Variants in DIAPH2 observed in about 807,000 individuals in gnomAD.
The protein encoded by DIAPH2 is diaphanous related formin 2.
DIAPH2 carries 35 observed loss-of-function variants against 92.7 expected under a neutral mutation model. The observed-to-expected ratio is 0.38, with a 90% CI of 0.29 to 0.50. DIAPH2 has a LOEUF of 0.50. DIAPH2 is among the 20% of genes least tolerant of loss of function. DIAPH2 has a pLI of 0.94. For synonymous variants in DIAPH2, 301 were observed against 280.4 expected (o/e 1.07, Z -0.73); for missense variants, 701 against 819.5 (o/e 0.86, Z 1.77).
In DIAPH2 at chrX:97,427,457, T is replaced by C. The variant is rs529744870; in HGVS notation, c.3146-2193T>C. Among the ~76,000 whole-genome samples the C allele has an allele frequency of 1.5e-4, 17 of 111,473 alleles. No individual in the cohort carries two copies. In the South Asian group the frequency reaches 1.9e-3, roughly 12 times the overall value. On this transcript the variant is annotated intron_variant, in intron 25 of 26. Transcript: ENST00000324765. ...TCATACTTGGGCCTCTCCACCACAG[T>C]TGAAATACATATAGTTCTTATCTCA... is the stretch of plus-strand genomic sequence containing the variant.
At chrX:97,250,057 A>G (rs764978374) in intron 23 of DIAPH2, among the ~76,000 whole-genome samples, 4 of 111,132 alleles carry the variant, frequency 3.6e-5, no homozygotes, top group Admixed American at 9.5e-5. Flanking sequence ...AGATCGCGCC[A>G]TTGCACTCCA....
At chrX:97,129,112 T>TTTTCTTTTCTTTTCTTTTCTTTTCTTTTC (rs1569308081) in intron 21 of DIAPH2, among the ~76,000 whole-genome samples, 25 of 76,900 alleles carry the variant, frequency 3.3e-4, no homozygotes, top group African/African-American at 1.4e-3. Context: ...TTTTCTTTTC[T>TTTTCTTTTCTTTTCTTTTCTTTTCTTTTC]TTTCTTTTCT....
chrX:97,385,890 T>TTAAGTAAC (rs1164378862), intron 25 of DIAPH2, among the ~76,000 whole-genome samples: 1 of 112,061 alleles, frequency 8.9e-6, no homozygotes, highest in Non-Finnish European at 1.9e-5. Context: ...CACAGAGAAG[T>TTAAGTAAC]TAAGTAACTT....
At chrX:96,696,667 C>T (rs948965805) in intron 1 of DIAPH2, among the ~76,000 whole-genome samples, 1 of 111,987 alleles carries the variant, frequency 8.9e-6, no homozygotes, top group Non-Finnish European at 1.9e-5. Context: ...CTGGCTTCCT[C>T]TGCGTCATCC....
intron 4 of DIAPH2, among the ~76,000 whole-genome samples, chrX:96,865,954 A>T (rs765050379): frequency 8.9e-6 from 1 of 112,034 alleles, no homozygotes; most frequent in Admixed American, 9.5e-5. Context: ...ATAAGATATA[A>T]TGAAACTGGG....
At chrX:97,347,447 A>AT (rs1569369193) in intron 23 of DIAPH2, among the ~76,000 whole-genome samples, 4 of 108,456 alleles carry the variant, frequency 3.7e-5, no homozygotes, top group Non-Finnish European at 3.8e-5. Flanking sequence ...GAGAAAAAAA[A>AT]ATATATATAT....
intron 24 of DIAPH2, among the ~76,000 whole-genome samples, chrX:97,358,982 T>C (rs1221382563): frequency 8.9e-6 from 1 of 112,255 alleles, no homozygotes; most frequent in Non-Finnish European, 1.9e-5. Context: ...GATATGTCCA[T>C]CCACATTCAG....
chrX:96,777,080 G>A (rs1295330791), intron 4 of DIAPH2, among the ~76,000 whole-genome samples: 1 of 111,624 alleles, frequency 9.0e-6, no homozygotes, highest in African/African-American at 3.2e-5. Context: ...GCTTCTAATA[G>A]CAAAGTAGTA....
chrX:96,771,148 G>A (rs1032752873), intron 4 of DIAPH2, among the ~76,000 whole-genome samples: 1 of 111,489 alleles, frequency 9.0e-6, no homozygotes, highest in Admixed American at 9.5e-5. Context: ...CTTACCTTGG[G>A]CATTTGGAAA....
intron 4 of DIAPH2, among the ~76,000 whole-genome samples, chrX:96,792,779 A>G (rs1295045641): frequency 1.8e-5 from 2 of 112,021 alleles, no homozygotes; most frequent in African/African-American, 6.5e-5. Context: ...TTCAGTTGCT[A>G]TAAAAGCATA....
chrX:97,366,471 C>T (rs2069382493), intron 24 of DIAPH2, among the ~76,000 whole-genome samples: 1 of 111,969 alleles, frequency 8.9e-6, no homozygotes, highest in Non-Finnish European at 1.9e-5. Context: ...TAATAATAGG[C>T]ACAGGAAGTA....
At chrX:97,535,703 G>A (rs955059462) in intron 26 of DIAPH2, among the ~76,000 whole-genome samples, 7 of 112,020 alleles carry the variant, frequency 6.2e-5, no homozygotes, top group African/African-American at 1.9e-4. Context: ...ACCTGCCTCC[G>A]CCTCCCAAAG....
chrX:97,498,191 T>G (rs1023702679), intron 26 of DIAPH2, among the ~76,000 whole-genome samples: 5 of 111,732 alleles, frequency 4.5e-5, no homozygotes, highest in Admixed American at 1.9e-4. Context: ...GCATTTTTAT[T>G]TTTCTGTCTA....
chrX:97,320,714 CAAAA>C (rs146316009), intron 23 of DIAPH2, among the ~76,000 whole-genome samples: 2 of 40,155 alleles, frequency 5.0e-5, no homozygotes, highest in Admixed American at 3.5e-4. Context: ...GACTCCGTCT[CAAAA>C]AAAAAAAAAA....
intron 26 of DIAPH2, among the ~76,000 whole-genome samples, chrX:97,551,194 A>G (rs1265222071): frequency 1.8e-5 from 2 of 111,496 alleles, no homozygotes; most frequent in African/African-American, 6.5e-5. Context: ...GTAACACCAA[A>G]CTAGGCAGCC....
chrX:97,309,250 C>T (rs966494853), intron 23 of DIAPH2, among the ~76,000 whole-genome samples: 1 of 109,371 alleles, frequency 9.1e-6, no homozygotes, highest in Non-Finnish European at 1.9e-5. Flanking sequence ...AGGCATGAAC[C>T]ACCACACCTG....
chrX:96,880,423 C>A (rs894020079), intron 4 of DIAPH2, among the ~76,000 whole-genome samples: 2 of 111,808 alleles, frequency 1.8e-5, no homozygotes, highest in South Asian at 7.5e-4. Context: ...ATGATTAACA[C>A]TTTCTACATT....
At chrX:97,456,335 C>G (rs188912224) in intron 26 of DIAPH2, among the ~76,000 whole-genome samples, 1 of 108,913 alleles carries the variant, frequency 9.2e-6, no homozygotes, top group Admixed American at 9.8e-5. Context: ...TGCAGTGAGC[C>G]GAGATCGCGC....
At chrX:97,171,065 G>A (rs1349368909) in intron 22 of DIAPH2, among the ~76,000 whole-genome samples, 1 of 110,327 alleles carries the variant, frequency 9.1e-6, no homozygotes, top group East Asian at 2.9e-4. Flanking sequence ...GCAGAGCCCG[G>A]GTTTCACCAT....
Sources: allele counts gnomAD v4.1 joint callset (sites outside exome capture counted in the v4.1 genomes callset), GRCh38; gene constraint gnomAD v4.1.1; transcripts MANE v1.5; gene names NCBI Gene and HGNC (gene_info 2026-07-23, HGNC 2026-07-21).